Variants in MVB12B observed in about 807,000 individuals in gnomAD.
MVB12B encodes multivesicular body subunit 12B.
MVB12B carries 16 observed loss-of-function variants against 41.6 expected under a neutral mutation model. That is an observed-to-expected ratio of 0.38 (90% CI 0.26 to 0.58). MVB12B has a LOEUF of 0.58. MVB12B is among the 20% of genes least tolerant of loss of function. The probability of loss-of-function intolerance (pLI) is 0.62; values close to 1 mark genes in which losing one functional copy is unlikely to be tolerated. For synonymous variants in MVB12B, 133 were observed against 139.7 expected, an observed-to-expected ratio of 0.95 and a Z score of 0.34; for missense variants, 274 against 380.2, an observed-to-expected ratio of 0.72 and a Z score of 2.32.
At chr9:126,470,151 C>G (rs1833281954) in intron 7 of MVB12B, among the ~76,000 whole-genome samples, 1 of 152,174 alleles carries the variant, frequency 6.6e-6, no homozygotes, top group Non-Finnish European at 1.5e-5. Context: ...GCCTGCTTTC[C>G]CATAAAAACA....
intron 5 of MVB12B, among the ~76,000 whole-genome samples, chr9:126,393,815 C>T (rs1312496912): frequency 6.6e-6 from 1 of 152,256 alleles, no homozygotes; most frequent in Non-Finnish European, 1.5e-5. Context: ...TCCCTGTGGG[C>T]TCCCAGAGGC....
rs118032151 is a variant in MVB12B at position 126,473,590 on chromosome 9, T to G, written c.758-7779T>G. On this transcript the variant is annotated intron_variant, in intron 7 of 9. Coordinates refer to ENST00000361171, the MANE Select transcript of MVB12B (RefSeq NM_033446.3). The surrounding 1 kb of genome is among the most constrained non-coding windows in gnomAD (Gnocchi z 4.0). ...CACATGGCCAGAGCAGGAACAAGAA[T>G]GCCAGAGCAGGAACAAGAAAGCCAA... is the stretch of plus-strand genomic sequence containing the variant. Among the ~76,000 whole-genome samples, 1 of 152,074 alleles carries G rather than the reference T, an allele frequency of 6.6e-6. No individual in the cohort carries two copies. Among genetic ancestry groups the G allele is most frequent in the African/African-American group, 2.4e-5 (1 of 41,388 alleles).
At chr9:126,499,622 CAGGGACCGCGTCTGCGGGA>C (rs1833909682) in intron 9 of MVB12B, among the ~76,000 whole-genome samples, 1 of 152,240 alleles carries the variant, frequency 6.6e-6, no homozygotes, top group South Asian at 2.1e-4. Flanking sequence ...GAGGAGCGGG[CAGGGACCGCGTCTGCGGGA>C]AGGCGGCCGC....
At chr9:126,499,270 A>T (rs2119238094) in intron 9 of MVB12B, among the ~76,000 whole-genome samples, 1 of 151,988 alleles carries the variant, frequency 6.6e-6, no homozygotes, top group South Asian at 2.1e-4. Context: ...AGCCTCCAGG[A>T]CCCCTGGCAG....
Position 126,326,982 on chromosome 9 carries a change from C to T in MVB12B, c.53C>T (p.Pro18Leu), listed in dbSNP as rs928503847. ...AGCCGGGACCCGCCGCCGCCGCAGC[C>T]ACCGCCGCCGCCGCCCCAGCGGGGA... ...RRSRDPPPPQ[P>L]PPPPPQRGTD... The change falls in exon 1 of 10, where the codon CCA (proline) becomes CTA (leucine). Residue 18 changes from proline (P) to leucine (L), a missense_variant. Physicochemically the swap from Pro to Leu is moderately conservative, Grantham distance 98. Coordinates refer to ENST00000361171, the MANE Select transcript of MVB12B (RefSeq NM_033446.3). 7.0e-5 allele frequency: 18 copies of T among 256,194 alleles called. 1 individual carries two copies. In the East Asian group the frequency reaches 1.1e-3, roughly 16 times the overall value. 15.9% of individuals were successfully genotyped at this position (256,194 alleles called of 1,614,324 possible).
chr9:126,449,912 C>T (rs1330644610), intron 7 of MVB12B, among the ~76,000 whole-genome samples: 2 of 152,246 alleles, frequency 1.3e-5, no homozygotes, highest in Admixed American at 6.5e-5. Flanking sequence ...ACTTTCCCAA[C>T]ATCACACAGC....
intron 7 of MVB12B, among the ~76,000 whole-genome samples, chr9:126,469,759 G>A (rs749389377): frequency 1.3e-5 from 2 of 152,202 alleles, no homozygotes; most frequent in African/African-American, 2.4e-5. Flanking sequence ...TGCGTTTGTC[G>A]CTGTGGGCAG....
At chr9:126,449,850 A>G (rs1049841620) in intron 7 of MVB12B, among the ~76,000 whole-genome samples, 2 of 152,144 alleles carry the variant, frequency 1.3e-5, no homozygotes. Flanking sequence ...CCTTGAAACC[A>G]CTCCACTTCC....
At chr9:126,460,624 G>A (rs1236783455) in intron 7 of MVB12B, among the ~76,000 whole-genome samples, 2 of 152,110 alleles carry the variant, frequency 1.3e-5, no homozygotes. Flanking sequence ...CCTGACCGGG[G>A]TCTGGAGAAG....
At chr9:126,490,393 G>A (rs182228065) in intron 9 of MVB12B, among the ~76,000 whole-genome samples, 54 of 152,310 alleles carry the variant, frequency 3.5e-4, no homozygotes, top group African/African-American at 1.3e-3. Context: ...AGCCTTGTGA[G>A]AACAGGAGTG....
intron 7 of MVB12B, among the ~76,000 whole-genome samples, chr9:126,454,441 G>C (rs747768581): frequency 6.6e-6 from 1 of 152,246 alleles, no homozygotes; most frequent in Non-Finnish European, 1.5e-5. Flanking sequence ...AATGTTTCCT[G>C]TGTAGGCATT....
chr9:126,482,038 G>T (rs913668294), intron 8 of MVB12B, among the ~76,000 whole-genome samples: 1 of 152,224 alleles, frequency 6.6e-6, no homozygotes, highest in African/African-American at 2.4e-5. Flanking sequence ...CCAGGCTCAC[G>T]CCATCTTTTT....
intron 7 of MVB12B, among the ~76,000 whole-genome samples, chr9:126,465,515 G>A (rs1416659155): frequency 6.6e-6 from 1 of 152,098 alleles, no homozygotes; most frequent in African/African-American, 2.4e-5. Context: ...CCCAAAAGCT[G>A]GGCCCCCTGA....
intron 2 of MVB12B, among the ~76,000 whole-genome samples, chr9:126,375,561 G>C (rs956278723): frequency 4.6e-5 from 7 of 151,982 alleles, no homozygotes; most frequent in African/African-American, 1.7e-4. Flanking sequence ...CTGGGCCTGG[G>C]CGTGCTGCTG....
At chr9:126,405,321 C>G (rs116552230) in intron 6 of MVB12B, among the ~76,000 whole-genome samples, 3 of 151,804 alleles carry the variant, frequency 2.0e-5, no homozygotes, top group Admixed American at 2.0e-4. Flanking sequence ...CGCGAGTGCA[C>G]GAGGGCTCTT....
intron 2 of MVB12B, among the ~76,000 whole-genome samples, chr9:126,378,033 A>G (rs1358219023): frequency 6.6e-6 from 1 of 152,220 alleles, no homozygotes; most frequent in Non-Finnish European, 1.5e-5. Context: ...GGAGGACAGG[A>G]CTGGTTTAAG....
At chr9:126,396,618 G>A (rs1175620399) in intron 6 of MVB12B, 1 of 985,322 alleles carries the variant, frequency 1.0e-6, no homozygotes, top group Non-Finnish European at 1.2e-6. Context: ...CTGTTCCTCT[G>A]TGCCAAGCCT....
At chr9:126,336,139 A>T (rs1417949201) in intron 1 of MVB12B, among the ~76,000 whole-genome samples, 1 of 152,190 alleles carries the variant, frequency 6.6e-6, no homozygotes, top group African/African-American at 2.4e-5. Context: ...TCCTCGGCCC[A>T]CACCCCGCTG....
At chr9:126,475,942 G>A (rs143773867) in intron 7 of MVB12B, among the ~76,000 whole-genome samples, 4 of 152,300 alleles carry the variant, frequency 2.6e-5, no homozygotes, top group Non-Finnish European at 4.4e-5. Context: ...CTCTCAGACG[G>A]TGGTGGTCTG....
Sources: gnomAD v4.1 joint callset for allele counts (sites outside exome capture counted in the v4.1 genomes callset) on GRCh38, gnomAD v4.1.1 for gene constraint, Gnocchi (gnomAD v3.1) non-coding constraint, MANE v1.5 for transcripts, NCBI Gene and HGNC (gene_info 2026-07-23, HGNC 2026-07-21) for gene names.